PLAGL1: variants seen among roughly 807,000 people sequenced by gnomAD.
The protein encoded by PLAGL1 is PLAG1 like zinc finger 1.
In PLAGL1, 1 loss-of-function variant was observed where a neutral mutation model predicts 4.6. The observed-to-expected ratio is 0.22, with a 90% CI of 0.08 to 1.03. The LOEUF (loss-of-function observed/expected upper bound fraction) is 1.03. PLAGL1 is among the 50% of genes least tolerant of loss of function. The pLI is 0.58. For missense variants in PLAGL1, 464 were observed against 570.4 expected (o/e 0.81, Z 1.90); for synonymous variants, 240 against 237.8 (o/e 1.01, Z -0.08).
Position 143,963,853 on chromosome 6 carries a change from CTT to C in PLAGL1, c.-399+932_-399+933del, listed in dbSNP as rs1783885285. On this transcript the variant is annotated intron_variant, in intron 5 of 7. Coordinates refer to ENST00000674357, the MANE Select transcript of PLAGL1 (RefSeq NM_001317162.2). The surrounding 1 kb of genome is among the most constrained non-coding windows in gnomAD (Gnocchi z 6.1). ...ATAGCACAACAACTCCAGAATTTTA[CTT>C]TGTTTGAATTCCCAATGATTCTCCT... Among the ~76,000 whole-genome samples, 1 of 152,204 alleles carries C rather than the reference CTT, an allele frequency of 6.6e-6. No individual in the cohort carries two copies. The highest frequency in any genetic ancestry group is 2.4e-5 in the African/African-American group (1 of 41,456).
rs922079392 is a variant in PLAGL1 at position 144,053,029 on chromosome 6, A to G, written c.-151+11439T>C. ...ACTATATTTTTTCAGGTTAGCACCA[A>G]TACTTGTAAATGCTTTGATAAACAA... On this transcript the variant is annotated intron_variant, in intron 1 of 3. Coordinates refer to the PLAGL1 transcript ENST00000437412. This position sits in a 1 kb window ranked among gnomAD's most constrained non-coding sequence, Gnocchi z 4.0. Among the ~76,000 whole-genome samples, 1 of 152,246 alleles carries G rather than the reference A, an allele frequency of 6.6e-6. No homozygotes were observed. The highest frequency in any genetic ancestry group is 2.4e-5 in the African/African-American group (1 of 41,464).
rs2128627940 is a variant in PLAGL1 at position 143,989,779 on chromosome 6, G to C, written c.-583-4605C>G. Among the ~76,000 whole-genome samples, 1 of 152,252 alleles carries C rather than the reference G, an allele frequency of 6.6e-6. No individual in the cohort carries two copies. Among genetic ancestry groups the C allele is most frequent in the Middle Eastern group, 3.4e-3 (1 of 294 alleles). ...CAAATTCACTTGGGTTCTAGAAACTGCCCAACAATTATGCAACATTTCCCT... is the reference window on the plus strand; with the variant it reads ...CAAATTCACTTGGGTTCTAGAAACTCCCCAACAATTATGCAACATTTCCCT... On this transcript the variant is annotated intron_variant, in intron 1 of 7. Transcript: ENST00000674357. The surrounding 1 kb of genome is among the most constrained non-coding windows in gnomAD (Gnocchi z 4.8).
Position 143,982,954 on chromosome 6 carries a change from C to T in PLAGL1, c.-544+2181G>A, listed in dbSNP as rs1788279093. Among the ~76,000 whole-genome samples the T allele has an allele frequency of 6.6e-6, 1 of 152,016 alleles. No individual in the cohort carries two copies. Among genetic ancestry groups the T allele is most frequent in the Non-Finnish European group, 1.5e-5 (1 of 68,018 alleles). ...TTAGAGAAGAGGTCCATACTGGAGA[C>T]AATTTAGTAGCTGCCAGCATATATG... On this transcript the variant is annotated intron_variant, in intron 2 of 7. Coordinates refer to ENST00000674357, the MANE Select transcript of PLAGL1 (RefSeq NM_001317162.2). This position sits in a 1 kb window ranked among gnomAD's most constrained non-coding sequence, Gnocchi z 5.3.
In PLAGL1 at chr6:143,964,902, T is replaced by TG. The variant is rs72455528; in HGVS notation, c.-430-85dup. On this transcript the variant is annotated intron_variant, in intron 4 of 7. Transcript: ENST00000674357. This position sits in a 1 kb window ranked among gnomAD's most constrained non-coding sequence, Gnocchi z 4.3. ...GCTAAAACAAACAAAAACACCCAAG[T>TG]GGGGGGGGAACGGAAGTCTACTTGG... is the stretch of plus-strand genomic sequence containing the variant. 8.7e-4 allele frequency: 132 copies of TG among 151,030 alleles called. No individual in the cohort carries two copies. Among genetic ancestry groups the TG allele is most frequent in the East Asian group, 2.1e-3 (11 of 5,140 alleles). The allele number at this position is 151,030 out of a possible 1,614,324, so 9.4% of individuals were successfully genotyped here.
chr6:143,943,529 T>G (rs1450845842), intron 7 of PLAGL1, among the ~76,000 whole-genome samples: 1 of 152,168 alleles, frequency 6.6e-6, no homozygotes. Flanking sequence ...TGCCGTGAGA[T>G]CTCACCACTG....
chr6:143,950,207 C>T lies in PLAGL1; in HGVS notation c.-324-1747G>A, dbSNP rs917776136. ...CCTCGGCCAGCACCTTGGCACCACA[C>T]CTTCTTTGTGACGGCTGTGATTCTA... On this transcript the variant is annotated intron_variant, in intron 6 of 7. Transcript: ENST00000674357. This position sits in a 1 kb window ranked among gnomAD's most constrained non-coding sequence, Gnocchi z 6.3. Among the ~76,000 whole-genome samples the T allele has an allele frequency of 6.6e-6, 1 of 152,168 alleles. No homozygotes were observed. The highest frequency in any genetic ancestry group is 1.5e-5 in the Non-Finnish European group (1 of 68,034).
intron 7 of PLAGL1, among the ~76,000 whole-genome samples, chr6:143,943,514 C>T (rs1779104446): frequency 6.6e-6 from 1 of 151,824 alleles, no homozygotes; most frequent in Non-Finnish European, 1.5e-5. Flanking sequence ...GCCTCAGCCT[C>T]TGCCTGCCGT....
intron 1 of PLAGL1, among the ~76,000 whole-genome samples, chr6:144,024,392 G>A (rs978726002): frequency 6.6e-6 from 1 of 152,210 alleles, no homozygotes; most frequent in African/African-American, 2.4e-5. Flanking sequence ...TGTGTCAAGA[G>A]CAGGGACAGG....
intron 1 of PLAGL1, among the ~76,000 whole-genome samples, chr6:144,021,922 A>G (rs531128023): frequency 5.3e-5 from 8 of 152,310 alleles, no homozygotes; most frequent in Admixed American, 4.6e-4. Context: ...TCTGGGAAGT[A>G]ACTTAATATT....
At position 144,015,470 on chromosome 6, in the gene PLAGL1, C is replaced by A. The variant is rs889595460; in HGVS notation, c.-150-46492G>T. Among the ~76,000 whole-genome samples the A allele has an allele frequency of 6.6e-6, 1 of 152,038 alleles. No homozygotes were observed. The highest frequency in any genetic ancestry group is 2.4e-5 in the African/African-American group (1 of 41,402). On this transcript the variant is annotated intron_variant, in intron 1 of 3. Coordinates refer to the PLAGL1 transcript ENST00000437412. This position sits in a 1 kb window ranked among gnomAD's most constrained non-coding sequence, Gnocchi z 4.3. The stretch of plus-strand genomic sequence containing the variant: ...AATAAAACCTGATCTTTAAAAGAGA[C>A]CATTAAGGAAAAAAATCTAAGCCAC...
upstream of PLAGL1, chr6:144,008,466 G>A (rs919863179): frequency 2.0e-5 from 3 of 152,110 alleles, no homozygotes; most frequent in Non-Finnish European, 4.4e-5. This position sits in a 1 kb window ranked among gnomAD's most constrained non-coding sequence, Gnocchi z 6.9. Context: ...GCGTCACGTG[G>A]CAGGAGGAGG....
Position 144,022,376 on chromosome 6 carries a change from A to C in PLAGL1, c.-151+42092T>G, listed in dbSNP as rs1303038800. On this transcript the variant is annotated intron_variant, in intron 1 of 3. Coordinates refer to the PLAGL1 transcript ENST00000437412. The surrounding 1 kb of genome is among the most constrained non-coding windows in gnomAD (Gnocchi z 4.2). The stretch of plus-strand genomic sequence containing the variant: ...CTAGAATGGCTAAATTTGTTTTTAA[A>C]AGTTGACAATACAAAATGTTAACAA... Among the ~76,000 whole-genome samples, 4 of 152,228 alleles carry C rather than the reference A, an allele frequency of 2.6e-5. No homozygotes were observed. The highest frequency in any genetic ancestry group is 5.9e-5 in the Non-Finnish European group (4 of 68,038).
chr6:144,022,504 T>G lies in PLAGL1; in HGVS notation c.-151+41964A>C, dbSNP rs1052517372. On this transcript the variant is annotated intron_variant, in intron 1 of 3. Coordinates refer to the PLAGL1 transcript ENST00000437412. This position sits in a 1 kb window ranked among gnomAD's most constrained non-coding sequence, Gnocchi z 4.2. Reference sequence around the variant, plus strand: ...TATTACAAAGCTAAACATAGTGATATGGTTTGGCTATTTCCCTACCCAAAT... The same window carrying G: ...TATTACAAAGCTAAACATAGTGATAGGGTTTGGCTATTTCCCTACCCAAAT... 6.6e-6 allele frequency among the ~76,000 whole-genome samples: 1 copy of G among 152,220 alleles called. No individual in the cohort carries two copies. Among genetic ancestry groups the G allele is most frequent in the Non-Finnish European group, 1.5e-5 (1 of 68,032 alleles).
intron 1 of PLAGL1, among the ~76,000 whole-genome samples, chr6:144,024,420 T>TG (rs927328959): frequency 6.6e-6 from 1 of 152,150 alleles, no homozygotes; most frequent in African/African-American, 2.4e-5. Context: ...CATTGAGTCA[T>TG]GGGGGCAGTT....
chr6:143,980,869 C>T (rs1787784379), intron 2 of PLAGL1, among the ~76,000 whole-genome samples: 1 of 152,210 alleles, frequency 6.6e-6, no homozygotes, highest in Admixed American at 6.5e-5. Flanking sequence ...ACAATTTGAT[C>T]CTTCAAACCA....
chr6:144,028,420 A>T (rs1481366863), intron 1 of PLAGL1, among the ~76,000 whole-genome samples: 1 of 152,190 alleles, frequency 6.6e-6, no homozygotes, highest in Non-Finnish European at 1.5e-5. Flanking sequence ...AGTAAAGCTG[A>T]TGAGGAAAAA....
rs1463181726 is a variant in PLAGL1, at chr6:144,004,023, T to C, written c.-584+4067A>G. 6.6e-6 allele frequency among the ~76,000 whole-genome samples: 1 copy of C among 152,148 alleles called. No individual in the cohort carries two copies. Among genetic ancestry groups the C allele is most frequent in the Admixed American group, 6.5e-5 (1 of 15,286 alleles). ...ATCGACAAGAAAATGAATAAGTAAA[T>C]TGCTCATATTATATATCCACATAAT... On this transcript the variant is annotated intron_variant, in intron 1 of 7. Coordinates refer to ENST00000674357, the MANE Select transcript of PLAGL1 (RefSeq NM_001317162.2). This position sits in a 1 kb window ranked among gnomAD's most constrained non-coding sequence, Gnocchi z 4.2.
At chr6:144,062,227 CTT>C (rs1481034649) in intron 1 of PLAGL1, among the ~76,000 whole-genome samples, 1 of 151,798 alleles carries the variant, frequency 6.6e-6, no homozygotes, top group African/African-American at 2.4e-5. Context: ...AATACAAAAA[CTT>C]AGCCAGGTGA....
At chr6:144,017,731 C>T (rs1795660312) in intron 1 of PLAGL1, among the ~76,000 whole-genome samples, 1 of 152,190 alleles carries the variant, frequency 6.6e-6, no homozygotes, top group South Asian at 2.1e-4. Context: ...TTAAACAGTT[C>T]CCTGAATCCA....
Sources: gnomAD v4.1 joint callset for allele counts (sites outside exome capture counted in the v4.1 genomes callset) on GRCh38, gnomAD v4.1.1 for gene constraint, Gnocchi (gnomAD v3.1) non-coding constraint, MANE v1.5 for transcripts, NCBI Gene and HGNC (gene_info 2026-07-23, HGNC 2026-07-21) for gene names.